SLAIN2: variants seen among roughly 807,000 people sequenced by gnomAD.
The protein encoded by SLAIN2 is SLAIN family member 2.
Under a neutral mutation model 56.6 loss-of-function variants are expected in SLAIN2, and 31 were observed. That is an observed-to-expected ratio of 0.55 (90% CI 0.41 to 0.74). SLAIN2 has a LOEUF of 0.74. Ranked by LOEUF, SLAIN2 falls within the 30% of genes least tolerant of loss-of-function variation. The pLI is 0.00. For missense variants in SLAIN2, 777 were observed against 754.2 expected (o/e 1.03, Z -0.35); for synonymous variants, 317 against 284.9 (o/e 1.11, Z -1.13).
At chr4:48,404,082 G>A (rs1187118455) in intron 6 of SLAIN2, among the ~76,000 whole-genome samples, 3 of 152,020 alleles carry the variant, frequency 2.0e-5, no homozygotes, top group African/African-American at 7.3e-5. Context: ...TTTCTCCATG[G>A]GGTCAAGCTG....
At chr4:48,402,199 A>AT (rs199541905) in intron 6 of SLAIN2, among the ~76,000 whole-genome samples, 4,221 of 109,994 alleles carry the variant, frequency 0.038, 60 homozygotes, top group Admixed American at 0.059. Flanking sequence ...GGCTGCCCTT[A>AT]ATTTTTTTTT....
At chr4:48,372,588 A>G (rs1000795184) in intron 2 of SLAIN2, among the ~76,000 whole-genome samples, 1 of 152,178 alleles carries the variant, frequency 6.6e-6, no homozygotes, top group Non-Finnish European at 1.5e-5. Flanking sequence ...ACTTGGGTAA[A>G]AGTAAAGCTG....
chr4:48,342,711 C>CTTTTTTTTTTTT lies in SLAIN2; in HGVS notation c.389+596_389+607dup, dbSNP rs761272695. On this transcript the variant is annotated intron_variant, in intron 1 of 7. Coordinates refer to ENST00000264313, the MANE Select transcript of SLAIN2 (RefSeq NM_020846.2). ...GAAGAGAGGGCAGAGGATGGTGCTG[C>CTTTTTTTTTTTT]TTTTTTTTTTTTTTTTTTTTTTTTG... 3.3e-3 allele frequency among the ~76,000 whole-genome samples: 219 copies of CTTTTTTTTTTTT among 65,936 alleles called. 11 individuals carry two copies. The highest frequency in any genetic ancestry group is 5.8e-3 in the African/African-American group (93 of 15,976). 43.3% of individuals were successfully genotyped at this position (65,936 alleles called of 152,430 possible). A position where few individuals can be genotyped will look rare whatever the true frequency, so the allele number is the denominator to read the frequency against.
chr4:48,381,240 A>G (rs1715963541), intron 4 of SLAIN2, among the ~76,000 whole-genome samples: 1 of 152,164 alleles, frequency 6.6e-6, no homozygotes, highest in Admixed American at 6.5e-5. Flanking sequence ...AACAATAGAA[A>G]TTTTAGTCTT....
intron 1 of SLAIN2, among the ~76,000 whole-genome samples, chr4:48,355,672 A>G (rs1299738250): frequency 2.6e-5 from 4 of 151,928 alleles, no homozygotes; most frequent in African/African-American, 7.2e-5. Flanking sequence ...CTTACCTCCT[A>G]CTCTGGCATG....
At chr4:48,407,127 A>G (rs1469138401) in intron 6 of SLAIN2, among the ~76,000 whole-genome samples, 2 of 151,954 alleles carry the variant, frequency 1.3e-5, no homozygotes, top group Non-Finnish European at 2.9e-5. Flanking sequence ...CTCCTGTTGT[A>G]TGCATGTTCG....
rs1485914249 is a variant in SLAIN2, at chr4:48,424,028, G to A, written c.*1951G>A. ...TATGCTGCAATCTAATAATTAAAAG[G>A]AATTTTACCTATTATGAAACATATT... On this transcript the variant is annotated 3_prime_UTR_variant, in exon 8 of 8. Transcript: ENST00000264313. 1 of 151,974 alleles carries A rather than the reference G, an allele frequency of 6.6e-6. No homozygotes were observed. The highest frequency in any genetic ancestry group is 1.5e-5 in the Non-Finnish European group (1 of 67,986). 9.4% of individuals were successfully genotyped at this position (151,974 alleles called of 1,614,324 possible).
chr4:48,407,928 A>G (rs1225384957), intron 6 of SLAIN2, among the ~76,000 whole-genome samples: 1 of 152,220 alleles, frequency 6.6e-6, no homozygotes, highest in East Asian at 1.9e-4. Context: ...TGGACATTGG[A>G]TATAAATGGA....
chr4:48,356,731 C>G (rs1343234797), intron 1 of SLAIN2, among the ~76,000 whole-genome samples: 2 of 151,934 alleles, frequency 1.3e-5, no homozygotes, highest in African/African-American at 4.8e-5. Flanking sequence ...TTCTGAACCT[C>G]AAGTTTAGTG....
chr4:48,353,234 A>C (rs1462869530), intron 1 of SLAIN2, among the ~76,000 whole-genome samples: 1 of 152,184 alleles, frequency 6.6e-6, no homozygotes, highest in Non-Finnish European at 1.5e-5. Context: ...TGGAGCACTA[A>C]CCAGATGAGA....
chr4:48,380,427 C>T (rs1577722929), intron 4 of SLAIN2, among the ~76,000 whole-genome samples: 1 of 152,140 alleles, frequency 6.6e-6, no homozygotes, highest in East Asian at 1.9e-4. Flanking sequence ...ATGGTGTAAA[C>T]TGTAAAAAAG....
At chr4:48,412,587 G>A (rs186629345) in intron 6 of SLAIN2, among the ~76,000 whole-genome samples, 1 of 152,280 alleles carries the variant, frequency 6.6e-6, no homozygotes, top group Non-Finnish European at 1.5e-5. Flanking sequence ...TCTATTTAGA[G>A]TAAATTGGAA....
At chr4:48,342,163 G>T in intron 1 of SLAIN2, 35 bp downstream of exon 1, 2 of 1,333,266 alleles carry the variant, frequency 1.5e-6, no homozygotes, top group Non-Finnish European at 1.9e-6. Context: ...GCTGGGCGGG[G>T]ACGGGCCCGG....
At chr4:48,381,234 A>C (rs1427032459) in intron 4 of SLAIN2, among the ~76,000 whole-genome samples, 2 of 152,180 alleles carry the variant, frequency 1.3e-5, no homozygotes, top group Admixed American at 1.3e-4. Flanking sequence ...TTTGGTAACA[A>C]TAGAAATTTT....
In SLAIN2 at chr4:48,420,401, G is replaced by A; in HGVS notation, c.1637G>A (p.Gly546Asp). The A allele has an allele frequency of 6.2e-7, 1 of 1,613,996 alleles. No homozygotes were observed. The highest frequency in any genetic ancestry group is 8.5e-7 in the Non-Finnish European group (1 of 1,179,872). The change falls in exon 7 of 8, where the codon GGC becomes GAC. Residue 546 changes from glycine to aspartate, a missense_variant. Physicochemically the swap from Gly to Asp is moderately conservative, Grantham distance 94. Transcript: ENST00000264313. ...LPRPSAPSAG[G>D]IPVPRSKLAQ... ...AGACCCAGTGCCCCTTCTGCTGGGG[G>A]CATACCAGTGCCTCGCAGCAAACTT...
At chr4:48,382,069 A>C (rs1715985792) in intron 4 of SLAIN2, among the ~76,000 whole-genome samples, 1 of 152,186 alleles carries the variant, frequency 6.6e-6, no homozygotes, top group South Asian at 2.1e-4. Flanking sequence ...GTTTGTGCCC[A>C]AGTACTGAAT....
intron 6 of SLAIN2, among the ~76,000 whole-genome samples, chr4:48,392,045 CTAT>C (rs1477762066): frequency 3.3e-5 from 5 of 152,110 alleles, no homozygotes; most frequent in African/African-American, 1.2e-4. Context: ...ACACTGAACT[CTAT>C]TATTAGAAAG....
At chr4:48,381,503 T>G (rs755189925) in intron 4 of SLAIN2, among the ~76,000 whole-genome samples, 18 of 152,176 alleles carry the variant, frequency 1.2e-4, no homozygotes, top group Non-Finnish European at 2.1e-4. Context: ...GATCCAACAG[T>G]GCTCTTTTCA....
chr4:48,403,086 C>G (rs1245473242), intron 6 of SLAIN2, among the ~76,000 whole-genome samples: 3 of 152,226 alleles, frequency 2.0e-5, no homozygotes, highest in Non-Finnish European at 2.9e-5. Context: ...CTGTCCCTTC[C>G]TCTGGGAGCT....
Sources: gnomAD v4.1 joint callset for allele counts (sites outside exome capture counted in the v4.1 genomes callset) on GRCh38, gnomAD v4.1.1 for gene constraint, MANE v1.5 for transcripts, NCBI Gene and HGNC (gene_info 2026-07-23, HGNC 2026-07-21) for gene names.